The following ECM2 variants were observed in gnomAD, a reference collection of about 807,000 sequenced individuals.
The protein encoded by ECM2 is extracellular matrix protein 2.
Under a neutral mutation model 67.5 loss-of-function variants are expected in ECM2, and 57 were observed. The observed-to-expected ratio is 0.84, with a 90% confidence interval of 0.68 to 1.05. ECM2 has a LOEUF of 1.05. Ranked by LOEUF, ECM2 falls within the 50% of genes least tolerant of loss-of-function variation. ECM2 has a pLI of 0.00. For synonymous variants in ECM2, 258 were observed against 294.5 expected, an observed-to-expected ratio of 0.88 and a Z score of 1.27; for missense variants, 741 against 822.8, an observed-to-expected ratio of 0.90 and a Z score of 1.22.
chr9:92,501,629 A>G (rs1486500634), intron 8 of ECM2, among the ~76,000 whole-genome samples: 1 of 152,074 alleles, frequency 6.6e-6, no homozygotes, highest in Non-Finnish European at 1.5e-5. Flanking sequence ...TGTTTCAGGA[A>G]CCCCACCTGA....
At chr9:92,546,274 G>C in the ECM2 span, among the ~76,000 whole-genome samples, 1 of 152,174 alleles carries the variant, frequency 6.6e-6, no homozygotes, top group Non-Finnish European at 1.5e-5. Flanking sequence ...GATGTGGGTG[G>C]GGCCAGATAA....
At chr9:92,523,002 A>G in intron 1 of ECM2, 109 bp from the exon 2 acceptor site, 1 of 1,041,988 alleles carries the variant, frequency 9.6e-7, no homozygotes, top group African/African-American at 1.6e-5. Context: ...GAGAAATTAC[A>G]CTTATGATAT....
intron 6 of ECM2, among the ~76,000 whole-genome samples, chr9:92,509,489 G>A (rs1016679140): frequency 3.3e-5 from 5 of 152,192 alleles, no homozygotes; most frequent in African/African-American, 1.2e-4. Context: ...TTGACCATCA[G>A]AGTGATAAAG....
chr9:92,505,877 C>A (rs926094385), intron 6 of ECM2, among the ~76,000 whole-genome samples, 187 bp from the exon 7 acceptor site: 2 of 151,922 alleles, frequency 1.3e-5, no homozygotes, highest in African/African-American at 2.4e-5. Flanking sequence ...CTCAATTCAA[C>A]CAGAACTAAA....
chr9:92,534,015 A>C (rs1229091664), intron 1 of ECM2, among the ~76,000 whole-genome samples: 1 of 152,070 alleles, frequency 6.6e-6, no homozygotes, highest in Non-Finnish European at 1.5e-5. Flanking sequence ...TTTGCTGTTT[A>C]ATGTATCCTT....
intron 7 of ECM2, among the ~76,000 whole-genome samples, chr9:92,503,107 CTAAT>C (rs1846790672): frequency 6.6e-6 from 1 of 151,978 alleles, no homozygotes; most frequent in Non-Finnish European, 1.5e-5. Flanking sequence ...AATTTTATAA[CTAAT>C]TAGTAAAATA....
chr9:92,539,163 G>A (rs1849256687), upstream of ECM2: 1 of 152,204 alleles, frequency 6.6e-6, no homozygotes, highest in Non-Finnish European at 1.5e-5. Flanking sequence ...GTTGAGAATA[G>A]TCAACGGTTG....
At chr9:92,495,297 A>G, downstream of ECM2, 2 of 816,898 alleles carry the variant, frequency 2.4e-6, no homozygotes, top group Non-Finnish European at 3.0e-6. Context: ...TACTTTAGCA[A>G]TACAAAGATA....
At chr9:92,551,923 G>GTATATATATA in the ECM2 span, among the ~76,000 whole-genome samples, 1 of 59,144 alleles carries the variant, frequency 1.7e-5, no homozygotes, top group Non-Finnish European at 3.2e-5. Context: ...TATGGTGTGT[G>GTATATATATA]TGTATATATA....
At chr9:92,526,980 C>T (rs1397020678) in intron 1 of ECM2, among the ~76,000 whole-genome samples, 1 of 152,000 alleles carries the variant, frequency 6.6e-6, no homozygotes, top group Non-Finnish European at 1.5e-5. Context: ...CTTACCATAC[C>T]TTTCCTATGT....
chr9:92,551,664 C>T, the ECM2 span, among the ~76,000 whole-genome samples: 1 of 151,892 alleles, frequency 6.6e-6, no homozygotes, highest in Non-Finnish European at 1.5e-5. Context: ...TCTTTTATCC[C>T]TCACCCCACT....
chr9:92,497,333 G>A (rs936759460), intron 9 of ECM2, among the ~76,000 whole-genome samples: 1 of 150,600 alleles, frequency 6.6e-6, no homozygotes, highest in African/African-American at 2.4e-5. Context: ...CTTTTAAAAA[G>A]TAAAGGGTAG....
intron 1 of ECM2, 137 bp from the exon 2 acceptor site, chr9:92,523,030 G>A: frequency 1.2e-6 from 1 of 819,354 alleles, no homozygotes; most frequent in Non-Finnish European, 1.8e-6. Context: ...ATATGCTATA[G>A]TATTATTGCC....
chr9:92,540,417 G>A (rs543766130), upstream of ECM2, among the ~76,000 whole-genome samples: 298 of 139,918 alleles, frequency 2.1e-3, no homozygotes, highest in South Asian at 8.0e-3. Flanking sequence ...CAGCCTGGAC[G>A]ACAGAGCGAG....
intron 5 of ECM2, 68 bp downstream of exon 5, chr9:92,511,943 C>T (rs972045684): frequency 8.3e-6 from 10 of 1,206,336 alleles, no homozygotes; most frequent in Non-Finnish European, 1.2e-5. Context: ...CTCCCTTCCC[C>T]ATCTCCAACC....
the ECM2 span, among the ~76,000 whole-genome samples, chr9:92,557,508 G>A: frequency 6.6e-6 from 1 of 152,154 alleles, no homozygotes; most frequent in Admixed American, 6.5e-5. Context: ...TGGAGGCTTT[G>A]TTCTTATTTT....
the ECM2 span, among the ~76,000 whole-genome samples, chr9:92,546,661 G>GT: frequency 6.6e-6 from 1 of 152,154 alleles, no homozygotes; most frequent in African/African-American, 2.4e-5. Flanking sequence ...TTTAAGAACT[G>GT]TAACACTCAC....
chr9:92,533,065 A>G (rs1201913923), intron 1 of ECM2, among the ~76,000 whole-genome samples: 3 of 151,776 alleles, frequency 2.0e-5, no homozygotes, highest in Admixed American at 6.6e-5. Flanking sequence ...TTGGGAGGCC[A>G]AGGCTAGCGG....
the ECM2 span, among the ~76,000 whole-genome samples, chr9:92,546,380 A>C: frequency 2.6e-5 from 4 of 152,180 alleles, no homozygotes; most frequent in Non-Finnish European, 5.9e-5. Flanking sequence ...TTTGCAATAA[A>C]TCTTGCTGCT....
Sources: gnomAD v4.1 joint callset for allele counts (sites outside exome capture counted in the v4.1 genomes callset) on GRCh38, gnomAD v4.1.1 for gene constraint, MANE v1.5 for transcripts, NCBI Gene and HGNC (gene_info 2026-07-23, HGNC 2026-07-21) for gene names.